TSHZ2: variants seen among roughly 807,000 people sequenced by gnomAD.
TSHZ2 encodes the protein teashirt homolog 2.
Under a neutral mutation model 74.4 loss-of-function variants are expected in TSHZ2, and 21 were observed. The ratio of observed to expected loss-of-function variants is 0.28; its 90% CI spans 0.20 to 0.41. TSHZ2 has a LOEUF of 0.41. Ranked by LOEUF, TSHZ2 falls within the 10% of genes least tolerant of loss-of-function variation. TSHZ2 has a pLI of 1.00. For missense variants in TSHZ2, 1,244 were observed against 1,293.5 expected, an observed-to-expected ratio of 0.96 and a Z score of 0.59; for synonymous variants, 540 against 515.3, an observed-to-expected ratio of 1.05 and a Z score of -0.65.
At chr20:53,397,728 A>C (rs1025810583) in intron 2 of TSHZ2, 1 of 152,268 alleles carries the variant, frequency 6.6e-6, no homozygotes, top group Non-Finnish European at 1.5e-5. Flanking sequence ...AACCAATCCA[A>C]ATGTCTACCA....
intron 2 of TSHZ2, among the ~76,000 whole-genome samples, chr20:53,314,811 A>G (rs991604489): frequency 4.6e-5 from 7 of 151,926 alleles, no homozygotes; most frequent in African/African-American, 1.7e-4. Context: ...TAGTAGAAAC[A>G]GGGTCTCGCC....
intron 2 of TSHZ2, among the ~76,000 whole-genome samples, chr20:53,306,291 G>A (rs1978541967): frequency 6.6e-6 from 1 of 152,140 alleles, no homozygotes; most frequent in Non-Finnish European, 1.5e-5. Flanking sequence ...CTCTTGGCAG[G>A]ATTCCATTAG....
intron 2 of TSHZ2, among the ~76,000 whole-genome samples, chr20:53,300,441 G>A (rs1281375720): frequency 7.9e-5 from 12 of 152,158 alleles, no homozygotes; most frequent in East Asian, 1.9e-4. Context: ...AACTTCTTGA[G>A]AAAGGCAATT....
Position 53,255,493 on chromosome 20 carries a change from G to T in TSHZ2, c.2035G>T (p.Gly679Trp), listed in dbSNP as rs1463157733. The T allele has an allele frequency of 6.3e-7, 1 of 1,598,074 alleles. No homozygotes were observed. The highest frequency in any genetic ancestry group is 1.1e-5 in the South Asian group (1 of 89,120). The part of the protein sequence containing the change: ...PLEPTSALSN[G>W]CALANHAPAL... ...GGAGCCCACATCTGCTCTGAGCAAT[G>T]GGTGCGCCCTCGCCAACCACGCCCC... Residue 679 changes from glycine to tryptophan, a missense_variant, in exon 2 of 3, where the codon GGG becomes TGG. Around this residue, in one of 6 missense-constraint regions of TSHZ2, gnomAD observed 562 missense variants for 544.0 expected, o/e 1.03. Coordinates refer to ENST00000371497, the MANE Select transcript of TSHZ2 (RefSeq NM_173485.6). This position sits in a 1 kb window ranked among gnomAD's most constrained non-coding sequence, Gnocchi z 4.1.
chr20:53,325,480 GCCTTCC>G (rs1160292801), intron 2 of TSHZ2, among the ~76,000 whole-genome samples: 1 of 152,198 alleles, frequency 6.6e-6, no homozygotes, highest in Non-Finnish European at 1.5e-5. Context: ...GGACACCACT[GCCTTCC>G]AGTGAAACAC....
chr20:53,428,930 G>A (rs1983745444), intron 2 of TSHZ2, among the ~76,000 whole-genome samples: 2 of 152,202 alleles, frequency 1.3e-5, no homozygotes, highest in African/African-American at 4.8e-5. Context: ...ACCATACTGT[G>A]GAGGTCACAT....
At chr20:53,269,915 G>A (rs1990799536) in intron 2 of TSHZ2, among the ~76,000 whole-genome samples, 1 of 152,062 alleles carries the variant, frequency 6.6e-6, no homozygotes, top group Non-Finnish European at 1.5e-5. Context: ...GAAGTGAAAG[G>A]AACCTCTTCT....
chr20:52,976,515 C>T (rs1981345135), intron 1 of TSHZ2, among the ~76,000 whole-genome samples: 1 of 152,192 alleles, frequency 6.6e-6, no homozygotes, highest in South Asian at 2.1e-4. Flanking sequence ...TTTTCCCCTT[C>T]TATGCATTTC....
intron 1 of TSHZ2, among the ~76,000 whole-genome samples, chr20:53,129,515 CTATAA>C (rs1220319999): frequency 2.6e-5 from 4 of 152,100 alleles, no homozygotes; most frequent in Non-Finnish European, 4.4e-5. Context: ...CCATTTATAG[CTATAA>C]TATATCAATA....
chr20:53,059,963 G>C (rs1233738912), intron 1 of TSHZ2, among the ~76,000 whole-genome samples: 1 of 152,174 alleles, frequency 6.6e-6, no homozygotes, highest in Non-Finnish European at 1.5e-5. Flanking sequence ...CTATCAAGGA[G>C]GCAGCCAAAG....
chr20:53,387,207 A>C (rs1003106415), intron 2 of TSHZ2, among the ~76,000 whole-genome samples: 1 of 152,120 alleles, frequency 6.6e-6, no homozygotes, highest in African/African-American at 2.4e-5. Context: ...CTCACTTTCC[A>C]CTAACAAACT....
rs200189059 is a variant in TSHZ2 at position 53,466,419 on chromosome 20, T to TGTAA, written c.*9-20722_*9-20719dup. Among the ~76,000 whole-genome samples, 1,324 of 152,278 alleles carry TGTAA rather than the reference T, an allele frequency of 8.7e-3. 19 individuals are homozygous for TGTAA. Among genetic ancestry groups the TGTAA allele is most frequent in the African/African-American group, 0.031 (1,275 of 41,534 alleles). ...GTCCATGCAGTGAATCTCGTTGGGC[T>TGTAA]GTAAGTTAGCTGCAATAAATAACAT... On this transcript the variant is annotated intron_variant, in intron 2 of 2. Coordinates refer to ENST00000371497, the MANE Select transcript of TSHZ2 (RefSeq NM_173485.6).
intron 2 of TSHZ2, among the ~76,000 whole-genome samples, chr20:53,377,900 G>A (rs1473241995): frequency 2.0e-5 from 3 of 151,952 alleles, no homozygotes; most frequent in Admixed American, 6.5e-5. Context: ...CCCGTGGCCA[G>A]AGTTTGCTGG....
intron 1 of TSHZ2, among the ~76,000 whole-genome samples, chr20:53,127,711 G>A (rs144608004): frequency 1.2e-3 from 177 of 152,256 alleles, no homozygotes; most frequent in African/African-American, 4.1e-3. Context: ...TCCATTATTT[G>A]ATTTAATCTT....
chr20:53,378,089 C>G (rs1981725730), intron 2 of TSHZ2, among the ~76,000 whole-genome samples: 1 of 152,052 alleles, frequency 6.6e-6, no homozygotes, highest in African/African-American at 2.4e-5. Context: ...GCCTGTAATC[C>G]CAGCACTTCG....
chr20:53,142,709 G>A (rs1164922426), intron 1 of TSHZ2, among the ~76,000 whole-genome samples: 1 of 152,012 alleles, frequency 6.6e-6, no homozygotes, highest in Admixed American at 6.6e-5. Context: ...TGAGGGTGTG[G>A]CCTACTCATT....
chr20:53,390,720 G>A lies in TSHZ2; in HGVS notation c.*9-96424G>A, dbSNP rs60517673. ...TCTGGTTCTAGATCCTTGAGGAATC[G>A]CCACACTGTCTTCAACAATCGTTGA... On this transcript the variant is annotated intron_variant, in intron 2 of 2. Transcript: ENST00000371497. Among the ~76,000 whole-genome samples, 1,193 of 152,244 alleles carry A rather than the reference G, an allele frequency of 7.8e-3. 10 individuals carry two copies. The highest frequency in any genetic ancestry group is 0.027 in the African/African-American group (1,108 of 41,538).
chr20:53,192,281 C>G (rs1266046054), intron 1 of TSHZ2, among the ~76,000 whole-genome samples: 1 of 143,012 alleles, frequency 7.0e-6, no homozygotes, highest in African/African-American at 2.5e-5. Flanking sequence ...CTGTTCTAAC[C>G]CTTCTCTGGC....
chr20:53,350,694 C>T (rs1307124975), intron 2 of TSHZ2, among the ~76,000 whole-genome samples: 1 of 152,230 alleles, frequency 6.6e-6, no homozygotes, highest in Non-Finnish European at 1.5e-5. Flanking sequence ...CAGCACCTTA[C>T]AGGATTGATA....
Sources: gnomAD v4.1 joint callset for allele counts (sites outside exome capture counted in the v4.1 genomes callset) on GRCh38, gnomAD v4.1.1 for gene constraint, gnomAD v4.1.1 regional missense constraint, Gnocchi (gnomAD v3.1) non-coding constraint, MANE v1.5 for transcripts, NCBI Gene and HGNC (gene_info 2026-07-23, HGNC 2026-07-21) for gene names.